Variants in CLMN observed in about 807,000 individuals in gnomAD.
CLMN encodes the protein calmin, also known as calmin (calponin-like, transmembrane).
In CLMN, 57 loss-of-function variants were observed where a neutral mutation model predicts 92.7. That is an observed-to-expected ratio of 0.61 (90% CI 0.50 to 0.77). The LOEUF is 0.77. CLMN is among the 30% of genes least tolerant of loss of function. The pLI, the probability that CLMN is intolerant of heterozygous loss-of-function variation, is 0.00. For missense variants in CLMN, 1,158 were observed against 1,237.5 expected, an observed-to-expected ratio of 0.94 and a Z score of 0.96; for synonymous variants, 466 against 470.6, an observed-to-expected ratio of 0.99 and a Z score of 0.13.
intron 12 of CLMN, chr14:95,193,130 G>T: frequency 1.8e-6 from 1 of 548,116 alleles, no homozygotes; most frequent in Non-Finnish European, 3.2e-6. Flanking sequence ...CAAATCTGTG[G>T]CGAGTAAATA....
rs1896360214 is a variant in CLMN, at chr14:95,182,873, C to T, written c.*8691G>A. The T allele has an allele frequency of 6.6e-6, 1 of 152,146 alleles. No individual in the cohort carries two copies. Among genetic ancestry groups the T allele is most frequent in the Non-Finnish European group, 1.5e-5 (1 of 68,016 alleles). The allele number at this position is 152,146 out of a possible 1,614,324, so 9.4% of individuals were successfully genotyped here. On this transcript the variant is annotated 3_prime_UTR_variant, in exon 13 of 13. Transcript: ENST00000298912. ...TAACAGCCCTAGGAAGCAGATTTCC[C>T]AGGTTCTACTTCAAACATTCATCTG... is the stretch of plus-strand genomic sequence containing the variant.
At chr14:95,221,814 G>A (rs202025624) in intron 3 of CLMN, 40 bp from the exon 4 acceptor site, 116 of 1,574,408 alleles carry the variant, frequency 7.4e-5, no homozygotes, top group African/African-American at 2.8e-4. Context: ...CATTAAACCC[G>A]CACAGGCACT....
rs549927823 is a variant in CLMN, at chr14:95,191,655, T to G, written c.2918A>C (p.Gln973Pro). Reference sequence around the variant, plus strand: ...AATAAAATACATCATATCCGGCTGCTGGACAAGCTGTGTCAGGGAGTCACT... The same window carrying G: ...AATAAAATACATCATATCCGGCTGCGGGACAAGCTGTGTCAGGGAGTCACT... ...PQSDSLTQLVQQPDMMYFILF... is the reference protein window; with the variant it reads ...PQSDSLTQLVPQPDMMYFILF... The change falls in exon 13 of 13, where the codon CAG becomes CCG. Residue 973 changes from glutamine (Q) to proline (P), a missense_variant. Gln to Pro is a moderately conservative substitution (Grantham distance 76). Transcript: ENST00000298912. The surrounding 1 kb of genome is among the most constrained non-coding windows in gnomAD (Gnocchi z 5.3). 1.2e-6 allele frequency: 2 copies of G among 1,613,832 alleles called. No homozygotes were observed. Among genetic ancestry groups the G allele is most frequent in the East Asian group, 2.2e-5 (1 of 44,884 alleles).
chr14:95,278,541 A>G (rs1291928645), intron 1 of CLMN, among the ~76,000 whole-genome samples: 2 of 152,182 alleles, frequency 1.3e-5, no homozygotes, highest in African/African-American at 2.4e-5. Context: ...TGTTTTCCTC[A>G]TGGAACCCCA....
chr14:95,249,736 C>A (rs1041729750), intron 1 of CLMN, among the ~76,000 whole-genome samples: 1 of 152,088 alleles, frequency 6.6e-6, no homozygotes, highest in Non-Finnish European at 1.5e-5. Context: ...GGACTACAGG[C>A]GTGCACCATC....
intron 1 of CLMN, among the ~76,000 whole-genome samples, chr14:95,286,438 G>C (rs527861735): frequency 6.6e-6 from 1 of 152,314 alleles, no homozygotes; most frequent in African/African-American, 2.4e-5. Flanking sequence ...TAAATCCATA[G>C]AGACAGAAAG....
chr14:95,194,564 C>T lies in CLMN; in HGVS notation c.2741G>A (p.Arg914Gln), dbSNP rs375694132. 19 of 1,613,986 alleles carry T rather than the reference C, an allele frequency of 1.2e-5. No homozygotes were observed. The African/African-American group carries it at 1.5e-4, about 12-fold the overall frequency. Reference protein sequence around the residue: ...TSHSDSSIYLRRHTHRSSESD... With the variant: ...TSHSDSSIYLQRHTHRSSESD... ...TTCCGAAGACCTATGAGTATGTCGT[C>T]GAAGGTAAATGCTGGAGTCACTGTG... is the stretch of plus-strand genomic sequence containing the variant. The change falls in exon 11 of 13, where the codon CGA becomes CAA. Residue 914 changes from arginine to glutamine, a missense_variant. Transcript: ENST00000298912. The surrounding 1 kb of genome is among the most constrained non-coding windows in gnomAD (Gnocchi z 4.0).
chr14:95,211,179 A>G (rs1480654771), intron 6 of CLMN, among the ~76,000 whole-genome samples: 1 of 152,250 alleles, frequency 6.6e-6, no homozygotes, highest in African/African-American at 2.4e-5. Flanking sequence ...TATCAGTGAC[A>G]TTGAAAACAT....
Position 95,210,756 on chromosome 14 carries a change from T to C in CLMN, c.732A>G (p.Arg244=). Residue 244 remains arginine, a synonymous_variant, in exon 7 of 13, where the codon CGA becomes CGG. Coordinates refer to ENST00000298912, the MANE Select transcript of CLMN (RefSeq NM_024734.4). ...TGCTGAAAGCCTTCTCTAGATTTTC[T>C]CGTGTGGAATTTTCCAGGGCCTGTT... ...DMKQALENST[R]ENLEKAFSIA... The C allele has an allele frequency of 6.2e-7, 1 of 1,609,426 alleles. No individual in the cohort carries two copies. Among genetic ancestry groups the C allele is most frequent in the Non-Finnish European group, 8.5e-7 (1 of 1,177,996 alleles).
rs571066318 is a variant in CLMN, at chr14:95,256,283, A to G, written c.83-26150T>C. Among the ~76,000 whole-genome samples the G allele has an allele frequency of 6.6e-6, 1 of 152,304 alleles. No individual in the cohort carries two copies. The highest frequency in any genetic ancestry group is 1.9e-4 in the East Asian group (1 of 5,190). ...GCACTCCCTGCCTCCTTTAAAACCC[A>G]GTTCTATTCACAAAAGAGCACAGAC... On this transcript the variant is annotated intron_variant, in intron 1 of 12. Transcript: ENST00000298912. This position sits in a 1 kb window ranked among gnomAD's most constrained non-coding sequence, Gnocchi z 4.9.
rs1896388319 is a variant in CLMN at position 95,184,159 on chromosome 14, G to A, written c.*7405C>T. The A allele has an allele frequency of 6.6e-6, 1 of 152,196 alleles. No individual in the cohort carries two copies. Among genetic ancestry groups the A allele is most frequent in the Non-Finnish European group, 1.5e-5 (1 of 68,040 alleles). 9.4% of individuals were successfully genotyped at this position (152,196 alleles called of 1,614,324 possible). A position where few individuals can be genotyped will look rare whatever the true frequency, so the allele number is the denominator to read the frequency against. ...AAAGTATTTTTCATCCAACAAATATGTGCTGAATGCCTATAATGCACAGAA... is the reference window on the plus strand; with the variant it reads ...AAAGTATTTTTCATCCAACAAATATATGCTGAATGCCTATAATGCACAGAA... On this transcript the variant is annotated 3_prime_UTR_variant, in exon 13 of 13. Transcript: ENST00000298912.
chr14:95,292,703 G>A (rs781117283), intron 1 of CLMN, among the ~76,000 whole-genome samples: 58 of 152,072 alleles, frequency 3.8e-4, no homozygotes, highest in Non-Finnish European at 2.9e-5. Flanking sequence ...TTATGCTTGT[G>A]CCCCCACTAA....
chr14:95,288,552 T>C (rs1299258024), intron 1 of CLMN, among the ~76,000 whole-genome samples: 4 of 152,232 alleles, frequency 2.6e-5, no homozygotes, highest in Admixed American at 2.6e-4. Context: ...GCAGATCCTA[T>C]GCTTAAACAC....
chr14:95,193,044 A>C, intron 12 of CLMN: 1 of 360,080 alleles, frequency 2.8e-6, no homozygotes, highest in Non-Finnish European at 4.9e-6. Context: ...GGTTCTAATG[A>C]CCACACTCTT....
intron 4 of CLMN, among the ~76,000 whole-genome samples, chr14:95,217,750 C>A (rs1897398122): frequency 6.6e-6 from 1 of 152,230 alleles, no homozygotes; most frequent in African/African-American, 2.4e-5. Context: ...GCCCAAATGG[C>A]AAGTGACAGC....
At chr14:95,251,143 G>C (rs774737616) in intron 1 of CLMN, among the ~76,000 whole-genome samples, 2 of 152,188 alleles carry the variant, frequency 1.3e-5, no homozygotes, top group African/African-American at 4.8e-5. Flanking sequence ...TCATGTGTGT[G>C]TGTAATGGGG....
intron 1 of CLMN, among the ~76,000 whole-genome samples, chr14:95,277,470 T>A (rs1027037027): frequency 2.0e-5 from 3 of 152,234 alleles, no homozygotes; most frequent in African/African-American, 7.2e-5. Context: ...GGGAATTTTG[T>A]GAATTCATGT....
rs1231964030 is a variant in CLMN, at chr14:95,247,539, C to A, written c.83-17406G>T. On this transcript the variant is annotated intron_variant, in intron 1 of 12. Coordinates refer to ENST00000298912, the MANE Select transcript of CLMN (RefSeq NM_024734.4). ...GGCTTCCTCTTTGCTCTGCACTGTG[C>A]ACACTTCATCCTTTACTCTGACCCA... 7.2e-5 allele frequency among the ~76,000 whole-genome samples: 11 copies of A among 152,206 alleles called. No homozygotes were observed. The East Asian group carries it at 2.1e-3, about 29-fold the overall frequency.
intron 1 of CLMN, among the ~76,000 whole-genome samples, chr14:95,282,175 C>T (rs1458410526): frequency 6.6e-6 from 1 of 152,192 alleles, no homozygotes; most frequent in Non-Finnish European, 1.5e-5. Context: ...AAAGAATGAG[C>T]AGTTTGATTT....
Sources: allele counts gnomAD v4.1 joint callset (sites outside exome capture counted in the v4.1 genomes callset), GRCh38; gene constraint gnomAD v4.1.1; non-coding constraint Gnocchi (gnomAD v3.1); transcripts MANE v1.5; gene names NCBI Gene and HGNC (gene_info 2026-07-23, HGNC 2026-07-21).